Variants in NACC2 observed in about 807,000 individuals in gnomAD.
NACC2 encodes the protein nucleus accumbens-associated protein 2.
In NACC2, 8 loss-of-function variants were observed where a neutral mutation model predicts 25.1. The observed-to-expected ratio is 0.32, with a 90% CI of 0.19 to 0.57. The LOEUF is 0.57. NACC2 is among the 20% of genes least tolerant of loss of function. The pLI is 0.89. For missense variants in NACC2, 644 were observed against 650.2 expected, an observed-to-expected ratio of 0.99 and a Z score of 0.10; for synonymous variants, 435 against 294.7, an observed-to-expected ratio of 1.48 and a Z score of -4.88.
rs1840138677 is a variant in NACC2 at position 136,013,132 on chromosome 9, T to TCCTCCTCAGGCTGGGATCTGAACCCAGC, written c.1255+39_1255+66dup. 4 of 1,431,692 alleles carry TCCTCCTCAGGCTGGGATCTGAACCCAGC rather than the reference T, an allele frequency of 2.8e-6. No individual in the cohort carries two copies. The highest frequency in any genetic ancestry group is 3.9e-6 in the Non-Finnish European group (4 of 1,031,762). 88.7% of individuals were successfully genotyped at this position (1,431,692 alleles called of 1,614,324 possible). A position where few individuals can be genotyped will look rare whatever the true frequency, so the allele number is the denominator to read the frequency against. On this transcript the variant is annotated intron_variant, in intron 5 of 5. Transcript: ENST00000277554. This position sits in a 1 kb window ranked among gnomAD's most constrained non-coding sequence, Gnocchi z 6.6. ...GGGAGCACCCCCGCGGCCCACCCAG[T>TCCTCCTCAGGCTGGGATCTGAACCCAGC]CCTCCTCAGGCTGGGATCTGAACCC...
In NACC2 at chr9:136,087,099, G is replaced by A. The variant is rs150840253; in HGVS notation, c.-60+8090C>T. Among the ~76,000 whole-genome samples the A allele has an allele frequency of 1.8e-3, 270 of 152,344 alleles. 2 individuals carry two copies. The highest frequency in any genetic ancestry group is 2.7e-3 in the Non-Finnish European group (187 of 68,040). On this transcript the variant is annotated intron_variant, in intron 1 of 5. Transcript: ENST00000277554. Reference sequence around the variant, plus strand: ...AGAAGGAAGGTGGCCGTGTGAGGACGGAGGCAGAGACTGGGCCCATGATCC... The same window carrying A: ...AGAAGGAAGGTGGCCGTGTGAGGACAGAGGCAGAGACTGGGCCCATGATCC...
chr9:136,087,731 G>A (rs1179767613), intron 1 of NACC2, among the ~76,000 whole-genome samples: 2 of 152,204 alleles, frequency 1.3e-5, no homozygotes, highest in African/African-American at 2.4e-5. Context: ...AATGAGGCTC[G>A]AATCCCAAGA....
chr9:136,049,051 G>A (rs1222737971), intron 2 of NACC2, among the ~76,000 whole-genome samples: 1 of 152,240 alleles, frequency 6.6e-6, no homozygotes, highest in Non-Finnish European at 1.5e-5. Context: ...GTCTCCAGAG[G>A]CTGTAACCAG....
intron 2 of NACC2, among the ~76,000 whole-genome samples, chr9:136,023,180 C>G (rs1041564205): frequency 7.0e-6 from 1 of 142,104 alleles, no homozygotes. Flanking sequence ...CCTGGAAACC[C>G]GGATGGAAAG....
At chr9:136,083,454 G>A (rs983913609) in intron 1 of NACC2, among the ~76,000 whole-genome samples, 3 of 152,338 alleles carry the variant, frequency 2.0e-5, no homozygotes, top group South Asian at 2.1e-4. Context: ...AAATCCACAT[G>A]CACCCCAAAC....
intron 2 of NACC2, among the ~76,000 whole-genome samples, chr9:136,037,292 C>T (rs1337370991): frequency 2.0e-5 from 3 of 151,820 alleles, no homozygotes; most frequent in South Asian, 2.1e-4. Context: ...GGTGTGATCT[C>T]GGCTCATTGC....
chr9:136,026,939 C>T (rs1177031935), intron 2 of NACC2, among the ~76,000 whole-genome samples: 4 of 152,168 alleles, frequency 2.6e-5, no homozygotes, highest in South Asian at 2.1e-4. Context: ...TAGAAAATAA[C>T]GTTTGTTGGC....
Position 136,050,312 on chromosome 9 carries a change from G to C in NACC2, c.210C>G (p.Pro70=). 1.3e-6 allele frequency: 1 copy of C among 740,744 alleles called. No homozygotes were observed. The highest frequency in any genetic ancestry group is 2.5e-6 in the Non-Finnish European group (1 of 402,608). 45.9% of individuals were successfully genotyped at this position (740,744 alleles called of 1,614,324 possible). ...GGAAGCAGGCGGGCGGCACGGAGCC[G>C]GGCAGCTCGAAGGCGCTCTTGCTGT... ...SGNSKSAFEL[P]GSVPPACFQQ... The change falls in exon 2 of 6, where the codon CCC becomes CCG. Residue 70 remains proline (P), a synonymous_variant. Transcript: ENST00000277554.
chr9:136,064,199 G>A (rs1361836079), intron 1 of NACC2, among the ~76,000 whole-genome samples: 1 of 151,594 alleles, frequency 6.6e-6, no homozygotes, highest in Non-Finnish European at 1.5e-5. Flanking sequence ...TGAGGGGGGA[G>A]AATCACTTGA....
At chr9:136,071,699 C>T (rs1442971151) in intron 1 of NACC2, among the ~76,000 whole-genome samples, 1 of 151,948 alleles carries the variant, frequency 6.6e-6, no homozygotes, top group Admixed American at 6.6e-5. Flanking sequence ...GATTTCAAGG[C>T]TTATTATAAA....
intron 2 of NACC2, among the ~76,000 whole-genome samples, chr9:136,032,269 A>G (rs545145974): frequency 3.9e-5 from 6 of 152,376 alleles, no homozygotes; most frequent in African/African-American, 1.4e-4. Flanking sequence ...AGTTATTTCA[A>G]TATTTGGAAA....
chr9:136,042,284 A>C (rs1007054703), intron 2 of NACC2, among the ~76,000 whole-genome samples: 3,509 of 152,294 alleles, frequency 0.023, 74 homozygotes, highest in Non-Finnish European at 0.03. Flanking sequence ...CACCTTGTCC[A>C]GCCCAAAACA....
rs916311268 is a variant in NACC2 at position 136,022,510 on chromosome 9, G to A, written c.887-6081C>T. ...GCATTTAGTGTGGTCACTGCAGCTC[G>A]GGGAGACCTGCCTTCCCTGCTGTTG... On this transcript the variant is annotated intron_variant, in intron 2 of 5. Transcript: ENST00000277554. The surrounding 1 kb of genome is among the most constrained non-coding windows in gnomAD (Gnocchi z 4.4). Among the ~76,000 whole-genome samples the A allele has an allele frequency of 2.6e-5, 4 of 152,204 alleles. No homozygotes were observed. The highest frequency in any genetic ancestry group is 4.1e-4 in the South Asian group (2 of 4,832).
rs1010304342 is a variant in NACC2 at position 136,051,873 on chromosome 9, G to A, written c.-59-1293C>T. 2.6e-3 allele frequency among the ~76,000 whole-genome samples: 386 copies of A among 148,590 alleles called. 2 individuals carry two copies. Among genetic ancestry groups the A allele is most frequent in the Non-Finnish European group, 3.5e-3 (237 of 67,278 alleles). On this transcript the variant is annotated intron_variant, in intron 1 of 5. Coordinates refer to ENST00000277554, the MANE Select transcript of NACC2 (RefSeq NM_144653.5). The stretch of plus-strand genomic sequence containing the variant: ...TGGGGCGGGGAGGGCGCAGGGAGCC[G>A]GCAAGGAGGAGGAGGAGGAGGAGGA...
At chr9:136,012,993 C>T (rs1214936013) in intron 5 of NACC2, among the ~76,000 whole-genome samples, 1 of 152,238 alleles carries the variant, frequency 6.6e-6, no homozygotes, top group Non-Finnish European at 1.5e-5. Flanking sequence ...CACTTGGAAA[C>T]CTACCAAGAA....
intron 3 of NACC2, among the ~76,000 whole-genome samples, chr9:136,015,395 T>C (rs1840184385): frequency 6.6e-6 from 1 of 152,144 alleles, no homozygotes; most frequent in African/African-American, 2.4e-5. Context: ...CTACCCCTCC[T>C]GGCCAGGGCA....
At chr9:136,043,308 T>G (rs1047359451) in intron 2 of NACC2, among the ~76,000 whole-genome samples, 1 of 152,174 alleles carries the variant, frequency 6.6e-6, no homozygotes, top group African/African-American at 2.4e-5. Flanking sequence ...AAGAAATACG[T>G]CACAATAAAA....
intron 1 of NACC2, among the ~76,000 whole-genome samples, chr9:136,089,700 G>A (rs1406599906): frequency 1.3e-5 from 2 of 151,958 alleles, no homozygotes; most frequent in South Asian, 2.1e-4. Context: ...AACAGAGTGA[G>A]TCATGTTCTT....
At chr9:136,040,589 G>A (rs1223969126) in intron 2 of NACC2, among the ~76,000 whole-genome samples, 6 of 151,980 alleles carry the variant, frequency 3.9e-5, no homozygotes, top group Non-Finnish European at 8.8e-5. Flanking sequence ...GCCAACAAGC[G>A]GAAACATTCC....
Sources: gnomAD v4.1 joint callset for allele counts (sites outside exome capture counted in the v4.1 genomes callset) on GRCh38, gnomAD v4.1.1 for gene constraint, Gnocchi (gnomAD v3.1) non-coding constraint, MANE v1.5 for transcripts, NCBI Gene and HGNC (gene_info 2026-07-23, HGNC 2026-07-21) for gene names.